PTPRD: variants seen among roughly 807,000 people sequenced by gnomAD.
The protein encoded by PTPRD is protein tyrosine phosphatase receptor type D.
In PTPRD, 34 loss-of-function variants were observed where a neutral mutation model predicts 214.5. The observed-to-expected ratio is 0.16, with a 90% CI of 0.12 to 0.21. PTPRD has a LOEUF of 0.21. Among genes scored for constraint, PTPRD ranks in the 10% least tolerant of loss-of-function variants. The pLI is 1.00. For synonymous variants in PTPRD, 1,128 were observed against 845.7 expected (o/e 1.33, Z -5.79); for missense variants, 2,545 against 2,398.7 (o/e 1.06, Z -1.27).
At chr9:9,013,723 C>A (rs1589796591) in intron 11 of PTPRD, among the ~76,000 whole-genome samples, 1 of 152,148 alleles carries the variant, frequency 6.6e-6, no homozygotes, top group African/African-American at 2.4e-5. Context: ...CGACTCAAAA[C>A]TCAGGAAATG....
chr9:10,043,628 GT>G (rs1470847716), intron 3 of PTPRD, among the ~76,000 whole-genome samples: 2 of 151,770 alleles, frequency 1.3e-5, no homozygotes, highest in Non-Finnish European at 2.9e-5. Context: ...ACAATTCAGA[GT>G]GTTTTATGAT....
At chr9:9,692,538 T>A (rs979406575) in intron 7 of PTPRD, among the ~76,000 whole-genome samples, 9 of 152,080 alleles carry the variant, frequency 5.9e-5, no homozygotes, top group Admixed American at 5.9e-4. Flanking sequence ...AACTCTGTAG[T>A]ACAATTTGAA....
intron 9 of PTPRD, among the ~76,000 whole-genome samples, chr9:9,260,037 G>A (rs181212632): frequency 6.6e-6 from 1 of 151,868 alleles, no homozygotes; most frequent in African/African-American, 2.4e-5. Context: ...TCAGATAATG[G>A]AGAGAATGCC....
At chr9:8,906,383 G>C (rs2098707972) in intron 11 of PTPRD, among the ~76,000 whole-genome samples, 1 of 152,034 alleles carries the variant, frequency 6.6e-6, no homozygotes, top group Non-Finnish European at 1.5e-5. Context: ...TTCTGACTTT[G>C]TCATTTTTCA....
At chr9:9,698,580 T>C (rs902786725) in intron 7 of PTPRD, among the ~76,000 whole-genome samples, 3 of 152,168 alleles carry the variant, frequency 2.0e-5, no homozygotes, top group African/African-American at 7.2e-5. Flanking sequence ...GAACAAAGTT[T>C]TCTGGTCTGG....
chr9:10,224,042 AAAC>A (rs2099580592), intron 3 of PTPRD, among the ~76,000 whole-genome samples: 2 of 151,890 alleles, frequency 1.3e-5, no homozygotes, highest in Non-Finnish European at 1.5e-5. Flanking sequence ...TTCTAAAATA[AAAC>A]AACAATAAGT....
chr9:9,867,707 A>G (rs936133997), intron 5 of PTPRD, among the ~76,000 whole-genome samples: 3 of 152,142 alleles, frequency 2.0e-5, no homozygotes, highest in South Asian at 2.1e-4. Flanking sequence ...TTAATTCTCA[A>G]CTCAAACCTA....
chr9:8,582,330 T>C (rs2093237711), intron 14 of PTPRD, among the ~76,000 whole-genome samples: 1 of 152,236 alleles, frequency 6.6e-6, no homozygotes, highest in Non-Finnish European at 1.5e-5. Context: ...GATATATTTA[T>C]TACCTTGAGT....
chr9:10,304,418 C>T (rs1029849171), intron 3 of PTPRD, among the ~76,000 whole-genome samples: 4 of 152,072 alleles, frequency 2.6e-5, no homozygotes, highest in African/African-American at 7.2e-5. Context: ...GCCGGTGAAT[C>T]AGGCAGGAGA....
chr9:8,745,931 G>A (rs897132669), intron 11 of PTPRD, among the ~76,000 whole-genome samples: 3 of 152,010 alleles, frequency 2.0e-5, no homozygotes, highest in African/African-American at 4.8e-5. Flanking sequence ...CAGAGTATCC[G>A]GGAATACTGG....
intron 8 of PTPRD, among the ~76,000 whole-genome samples, chr9:9,468,390 T>A (rs973788114): frequency 1.3e-5 from 2 of 152,132 alleles, no homozygotes; most frequent in Non-Finnish European, 2.9e-5. Context: ...TATCTTTGTA[T>A]AGATATGTGC....
At chr9:9,444,625 A>G (rs941915849) in intron 8 of PTPRD, among the ~76,000 whole-genome samples, 1 of 152,148 alleles carries the variant, frequency 6.6e-6, no homozygotes, top group African/African-American at 2.4e-5. Flanking sequence ...GCCCTTTTCT[A>G]TTATTTCCAA....
At chr9:8,924,174 G>A (rs2098847704) in intron 11 of PTPRD, among the ~76,000 whole-genome samples, 1 of 152,136 alleles carries the variant, frequency 6.6e-6, no homozygotes, top group African/African-American at 2.4e-5. Flanking sequence ...GTGCTTCTGA[G>A]AAAGGGAGTT....
At chr9:10,372,915 T>A (rs1305711287) in intron 2 of PTPRD, among the ~76,000 whole-genome samples, 1 of 151,004 alleles carries the variant, frequency 6.6e-6, no homozygotes, top group East Asian at 1.9e-4. Context: ...AGTGGTGCGA[T>A]CTTGGCTTCC....
chr9:9,787,144 T>TA (rs55842517), intron 5 of PTPRD, among the ~76,000 whole-genome samples: 55,366 of 147,990 alleles, frequency 0.37, 10,352 homozygotes, highest in Middle Eastern at 0.44. Context: ...CTCAATTTAA[T>TA]AAAAAAAAAA....
rs1564253378 is a variant in PTPRD, at chr9:8,359,138, AC to A, written c.4661+16797del. Among the ~76,000 whole-genome samples the A allele has an allele frequency of 7.2e-3, 259 of 36,066 alleles. 70 individuals carry two copies. The highest frequency in any genetic ancestry group is 8.5e-3 in the Non-Finnish European group (122 of 14,316). The allele number at this position is 36,066 out of a possible 152,430, so 23.7% of individuals were successfully genotyped here. A position where few individuals can be genotyped will look rare whatever the true frequency, so the allele number is the denominator to read the frequency against. On this transcript the variant is annotated intron_variant, in intron 39 of 45. Coordinates refer to ENST00000381196, the MANE Select transcript of PTPRD (RefSeq NM_002839.4). ...AAAAAAAAAACAAAAAAAAAAAAAA[AC>A]AAAAAAAAATTGAATCAGATTTTAG...
At chr9:10,087,930 G>A (rs1387422968) in intron 3 of PTPRD, among the ~76,000 whole-genome samples, 1 of 151,592 alleles carries the variant, frequency 6.6e-6, no homozygotes. Context: ...TACTAATACA[G>A]GGTCTAGTTT....
At chr9:8,583,763 A>C (rs902515997) in intron 14 of PTPRD, among the ~76,000 whole-genome samples, 1 of 152,190 alleles carries the variant, frequency 6.6e-6, no homozygotes, top group Non-Finnish European at 1.5e-5. Context: ...GCAATGTTTC[A>C]TGTCCTTATT....
chr9:9,654,830 G>A (rs1442045030), intron 7 of PTPRD, among the ~76,000 whole-genome samples: 1 of 152,058 alleles, frequency 6.6e-6, no homozygotes, highest in Admixed American at 6.6e-5. Flanking sequence ...CTCTTTAACT[G>A]ATACTGAAGG....
Sources: gnomAD v4.1 joint callset for allele counts (sites outside exome capture counted in the v4.1 genomes callset) on GRCh38, gnomAD v4.1.1 for gene constraint, MANE v1.5 for transcripts, NCBI Gene and HGNC (gene_info 2026-07-23, HGNC 2026-07-21) for gene names.